The following HROB variants were observed in gnomAD, a reference collection of about 807,000 sequenced individuals.
HROB encodes homologous recombination OB-fold protein.
Under a neutral mutation model 61.0 loss-of-function variants are expected in HROB, and 44 were observed. That is an observed-to-expected ratio of 0.72 (90% CI 0.57 to 0.93). The LOEUF (loss-of-function observed/expected upper bound fraction) is 0.93, where lower values mean the gene tolerates loss of function less well. Among genes scored for constraint, HROB ranks in the 40% least tolerant of loss-of-function variants. The pLI is 0.00. For synonymous variants in HROB, 301 were observed against 310.4 expected, an observed-to-expected ratio of 0.97 and a Z score of 0.32; for missense variants, 716 against 796.2, an observed-to-expected ratio of 0.90 and a Z score of 1.21.
At chr17:44,151,112 G>T (rs2053791928) in intron 4 of HROB, 68 bp downstream of exon 4, 15 of 1,467,212 alleles carry the variant, frequency 1.0e-5, no homozygotes, top group Non-Finnish European at 1.2e-5. Context: ...TGTGTTTCAG[G>T]AGTTAAGAAT....
Position 44,162,240 on chromosome 17 carries a change from G to C in HROB, c.*308G>C, listed in dbSNP as rs58287676. 2 of 336,190 alleles carry C rather than the reference G, an allele frequency of 5.9e-6. No individual in the cohort carries two copies. Among genetic ancestry groups the C allele is most frequent in the Admixed American group, 8.8e-5 (2 of 22,700 alleles). 20.8% of individuals were successfully genotyped at this position (336,190 alleles called of 1,614,324 possible). A position where few individuals can be genotyped will look rare whatever the true frequency, so the allele number is the denominator to read the frequency against. ...CCTCAGCTTAATTTTAGAGGATATTGGGCCTGGTTTTCTTGTCCCTTCATA... is the reference window on the plus strand; with the variant it reads ...CCTCAGCTTAATTTTAGAGGATATTCGGCCTGGTTTTCTTGTCCCTTCATA... On this transcript the variant is annotated 3_prime_UTR_variant, in exon 10 of 10. Transcript: ENST00000585683.
In HROB at chr17:44,154,931, T is replaced by C; in HGVS notation, c.1637T>C (p.Leu546Pro). The stretch of plus-strand genomic sequence containing the variant: ...CTGAAGCCTGGCTCAGTGCTGCTGC[T>C]GAAGCAGGTATGGGGAGCAGCTCTC... ...NELKPGSVLL[L>P]KQIGVFSPSL... The change falls in exon 7 of 10, where the codon CTG becomes CCG. Residue 546 changes from leucine to proline, a missense_variant. By Grantham distance (98) the Leu-to-Pro change is moderately conservative (BLOSUM62 -3). Coordinates refer to ENST00000585683, the MANE Select transcript of HROB (RefSeq NM_001171251.3). The C allele has an allele frequency of 1.7e-5, 27 of 1,613,576 alleles. No individual in the cohort carries two copies. The highest frequency in any genetic ancestry group is 2.3e-5 in the Non-Finnish European group (27 of 1,179,874).
chr17:44,153,754 A>T (rs1302136077), intron 5 of HROB, among the ~76,000 whole-genome samples: 2 of 152,114 alleles, frequency 1.3e-5, no homozygotes, highest in Non-Finnish European at 2.9e-5. Context: ...CAAGAAAAAA[A>T]CAAAAACCAA....
At position 44,155,512 on chromosome 17, in the gene HROB, G is replaced by A. The variant is rs939113151; in HGVS notation, c.1770+101G>A. The A allele has an allele frequency of 2.6e-6, 4 of 1,510,912 alleles. No individual in the cohort carries two copies. In the African/African-American group the frequency reaches 5.6e-5, roughly 21 times the overall value. The allele number at this position is 1,510,912 out of a possible 1,614,324, so 93.6% of individuals were successfully genotyped here. A position where few individuals can be genotyped will look rare whatever the true frequency, so the allele number is the denominator to read the frequency against. On this transcript the variant is annotated intron_variant, in intron 8 of 9. Transcript: ENST00000585683. The stretch of plus-strand genomic sequence containing the variant: ...CCACCCTGGGGAGCAGAGGTCTGAA[G>A]GGGGCAGGTGCTCTGAGGTGAAAAG...
intron 9 of HROB, among the ~76,000 whole-genome samples, chr17:44,160,112 G>C (rs2054092161): frequency 6.6e-6 from 1 of 152,222 alleles, no homozygotes; most frequent in Admixed American, 6.5e-5. Flanking sequence ...CTAGACCAAG[G>C]TGTCATCAGG....
intron 3 of HROB, 45 bp from the exon 4 acceptor site, chr17:44,150,915 AC>A: frequency 6.7e-7 from 1 of 1,491,196 alleles, no homozygotes; most frequent in Non-Finnish European, 9.3e-7. Context: ...CTTGTAAATA[AC>A]AGCTGCTAAG....
chr17:44,143,299 A>C (rs1306851886), intron 1 of HROB, among the ~76,000 whole-genome samples: 2 of 151,770 alleles, frequency 1.3e-5, no homozygotes, highest in Non-Finnish European at 2.9e-5. Context: ...ACTTGAGCCC[A>C]GGAGTTCAAG....
rs759498826 is a variant in HROB, at chr17:44,161,852, A to G, written c.1880-19A>G. The G allele has an allele frequency of 2.5e-6, 4 of 1,612,626 alleles. No individual in the cohort carries two copies. Among genetic ancestry groups the G allele is most frequent in the Non-Finnish European group, 3.4e-6 (4 of 1,178,828 alleles). On this transcript the variant is annotated intron_variant, in intron 9 of 9. Transcript: ENST00000585683. ...GCTGATGTTGTCACTAAGGCTACCCATCATTCCCCTCTCTGTAGATGACCT... is the reference window on the plus strand; with the variant it reads ...GCTGATGTTGTCACTAAGGCTACCCGTCATTCCCCTCTCTGTAGATGACCT...
chr17:44,150,848 G>A (rs573994674), intron 3 of HROB, 113 bp from the exon 4 acceptor site: 3 of 865,078 alleles, frequency 3.5e-6, no homozygotes, highest in African/African-American at 3.4e-5. Context: ...TGTAATATGT[G>A]TTAATAGTCC....
chr17:44,152,587 A>G, intron 4 of HROB, 50 bp from the exon 5 acceptor site: 1 of 1,589,258 alleles, frequency 6.3e-7, no homozygotes, highest in Non-Finnish European at 8.6e-7. Flanking sequence ...AAGAGTCTGT[A>G]GCAAGGTAGA....
chr17:44,142,933 G>T (rs1384658025), intron 1 of HROB, among the ~76,000 whole-genome samples: 2 of 151,792 alleles, frequency 1.3e-5, no homozygotes, highest in Non-Finnish European at 1.5e-5. Flanking sequence ...GCTGACACCT[G>T]TTTTTGTTTG....
chr17:44,142,095 C>T lies in HROB; in HGVS notation c.-48C>T. Reference sequence around the variant, plus strand: ...TCCAAGGCCCCGGCGACTCCCCGGACTCGGGGTGCCGGGCCAACCTCCCCG... The same window carrying T: ...TCCAAGGCCCCGGCGACTCCCCGGATTCGGGGTGCCGGGCCAACCTCCCCG... On this transcript the variant is annotated 5_prime_UTR_variant, in exon 1 of 10. Coordinates refer to ENST00000585683, the MANE Select transcript of HROB (RefSeq NM_001171251.3). The T allele has an allele frequency of 6.5e-7, 1 of 1,530,926 alleles. No homozygotes were observed. The highest frequency in any genetic ancestry group is 8.7e-7 in the Non-Finnish European group (1 of 1,144,220). The allele number at this position is 1,530,926 out of a possible 1,614,324, so 94.8% of individuals were successfully genotyped here. A position where few individuals can be genotyped will look rare whatever the true frequency, so the allele number is the denominator to read the frequency against.
intron 2 of HROB, among the ~76,000 whole-genome samples, chr17:44,145,636 A>G (rs957237119): frequency 6.6e-6 from 1 of 152,334 alleles, no homozygotes. Context: ...GCAATTGGCT[A>G]TGTGAATCAG....
At chr17:44,143,360 T>A (rs925437072) in intron 1 of HROB, among the ~76,000 whole-genome samples, 4 of 151,712 alleles carry the variant, frequency 2.6e-5, no homozygotes, top group African/African-American at 4.8e-5. Flanking sequence ...ATTTAAAAAT[T>A]AGCCTGGGCG....
At chr17:44,157,984 C>G (rs1196118887) in intron 9 of HROB, 43 bp downstream of exon 9, 2 of 1,413,252 alleles carry the variant, frequency 1.4e-6, no homozygotes, top group African/African-American at 2.8e-5. Flanking sequence ...GGTTCTATTT[C>G]CTGTTGAATA....
intron 3 of HROB, among the ~76,000 whole-genome samples, chr17:44,149,740 C>G (rs2053741337): frequency 6.6e-6 from 1 of 152,166 alleles, no homozygotes; most frequent in Admixed American, 6.5e-5. Flanking sequence ...ATGTGTTGGA[C>G]AATTTGCTTG....
At position 44,151,060 on chromosome 17, in the gene HROB, G is replaced by A. The variant is rs753706307; in HGVS notation, c.1308+16G>A. 1.3e-6 allele frequency: 2 copies of A among 1,597,414 alleles called. No individual in the cohort carries two copies. The highest frequency in any genetic ancestry group is 2.2e-5 in the South Asian group (2 of 90,622). ...CCAGACAGAGGTAACTTATGCAAAT[G>A]TTAACTTTCTGGGTGTGATTTGAGA... is the stretch of plus-strand genomic sequence containing the variant. On this transcript the variant is annotated intron_variant, in intron 4 of 9. Transcript: ENST00000585683.
intron 9 of HROB, among the ~76,000 whole-genome samples, chr17:44,159,573 A>C (rs1175979482): frequency 6.6e-6 from 1 of 152,212 alleles, no homozygotes; most frequent in Non-Finnish European, 1.5e-5. Context: ...TAGTGGCCCC[A>C]AATGCCTGGA....
At chr17:44,156,225 C>A (rs573273044) in intron 8 of HROB, among the ~76,000 whole-genome samples, 1 of 152,120 alleles carries the variant, frequency 6.6e-6, no homozygotes, top group African/African-American at 2.4e-5. Context: ...TAAACCCTTT[C>A]TTTTTCTTTC....
Sources: gnomAD v4.1 joint callset for allele counts (sites outside exome capture counted in the v4.1 genomes callset) on GRCh38, gnomAD v4.1.1 for gene constraint, MANE v1.5 for transcripts, NCBI Gene and HGNC (gene_info 2026-07-23, HGNC 2026-07-21) for gene names.